BMPR1A: variants seen among roughly 807,000 people sequenced by gnomAD.
The protein encoded by BMPR1A is bone morphogenetic protein receptor type-1A.
A neutral mutation model predicts 66.0 loss-of-function variants in BMPR1A; 7 were observed. The ratio of observed to expected loss-of-function variants is 0.11; its 90% CI spans 0.06 to 0.20. The LOEUF (loss-of-function observed/expected upper bound fraction) is 0.20, where lower values mean the gene tolerates loss of function less well. Among genes scored for constraint, BMPR1A ranks in the 10% least tolerant of loss-of-function variants. BMPR1A has a pLI of 1.00. For synonymous variants in BMPR1A, 200 were observed against 229.7 expected (o/e 0.87, Z 1.17); for missense variants, 408 against 669.1 (o/e 0.61, Z 4.31).
chr10:86,899,965 A>G, intron 6 of BMPR1A, 62 bp from the exon 7 acceptor site: 1 of 1,610,900 alleles, frequency 6.2e-7, no homozygotes, highest in Non-Finnish European at 8.5e-7. Context: ...GGCTACCTAG[A>G]ATTGAACACG....
At chr10:86,830,401 G>T (rs899686556) in intron 1 of BMPR1A, among the ~76,000 whole-genome samples, 1 of 152,224 alleles carries the variant, frequency 6.6e-6, no homozygotes. Flanking sequence ...GAGCCCAGGG[G>T]TGTGCAGTTG....
chr10:86,804,254 A>T (rs1375524682), intron 1 of BMPR1A, among the ~76,000 whole-genome samples: 4 of 152,032 alleles, frequency 2.6e-5, no homozygotes, highest in African/African-American at 9.7e-5. Context: ...GTTTTCTTTT[A>T]TTTTGAGACA....
chr10:86,906,290 A>G (rs1254690786), intron 7 of BMPR1A, among the ~76,000 whole-genome samples: 3 of 151,932 alleles, frequency 2.0e-5, no homozygotes, highest in Admixed American at 6.6e-5. Context: ...TTAAACAGCT[A>G]CAATACATTT....
intron 2 of BMPR1A, among the ~76,000 whole-genome samples, chr10:86,870,627 G>A (rs1842843336): frequency 6.6e-6 from 1 of 151,842 alleles, no homozygotes. Flanking sequence ...GTCTTGCAGT[G>A]TTTCCCAGGC....
intron 5 of BMPR1A, among the ~76,000 whole-genome samples, chr10:86,893,005 T>G (rs1843174803): frequency 6.6e-6 from 1 of 152,156 alleles, no homozygotes; most frequent in African/African-American, 2.4e-5. Context: ...AATAAAAATT[T>G]TATTCAAGTA....
In BMPR1A at chr10:86,845,984, G is replaced by A. The variant is rs192426521; in HGVS notation, c.-153+7005G>A. Among the ~76,000 whole-genome samples, 896 of 150,744 alleles carry A rather than the reference G, an allele frequency of 5.9e-3. 9 individuals are homozygous for A. The highest frequency in any genetic ancestry group is 0.02 in the African/African-American group (837 of 41,126). ...TGCACTCCAGCCTGGGTGACAGAGC[G>A]AGACTCCGTCTCAAAAAAAAAAAAA... On this transcript the variant is annotated intron_variant, in intron 2 of 12. Coordinates refer to ENST00000372037, the MANE Select transcript of BMPR1A (RefSeq NM_004329.3).
At chr10:86,804,600 A>C (rs1841860688) in intron 1 of BMPR1A, among the ~76,000 whole-genome samples, 1 of 152,128 alleles carries the variant, frequency 6.6e-6, no homozygotes, top group African/African-American at 2.4e-5. Flanking sequence ...TTAGGACTTT[A>C]ATATATGAAT....
At chr10:86,780,627 G>T (rs1220941296) in intron 1 of BMPR1A, among the ~76,000 whole-genome samples, 1 of 151,984 alleles carries the variant, frequency 6.6e-6, no homozygotes, top group Non-Finnish European at 1.5e-5. Context: ...TGGAGACGGG[G>T]TTTCACCATG....
chr10:86,802,101 C>T lies in BMPR1A; in HGVS notation c.-267-36764C>T, dbSNP rs74153409. The stretch of plus-strand genomic sequence containing the variant: ...GTCGTTGAGGGCCTCCATTGTCCAG[C>T]CCCATCTCCTTTACTCTCTCAGTAG... On this transcript the variant is annotated intron_variant, in intron 1 of 12. Transcript: ENST00000372037. Among the ~76,000 whole-genome samples the T allele has an allele frequency of 3.5e-3, 537 of 152,234 alleles. 4 individuals are homozygous for T. The highest frequency in any genetic ancestry group is 0.012 in the African/African-American group (515 of 41,540).
At chr10:86,820,853 T>A (rs1314837886) in intron 1 of BMPR1A, among the ~76,000 whole-genome samples, 2 of 152,212 alleles carry the variant, frequency 1.3e-5, no homozygotes, top group Admixed American at 1.3e-4. Context: ...TGTCCTTTTT[T>A]GCAGTGTTTT....
chr10:86,871,808 A>C (rs1447881272), intron 2 of BMPR1A, among the ~76,000 whole-genome samples: 5 of 152,118 alleles, frequency 3.3e-5, no homozygotes, highest in Non-Finnish European at 7.4e-5. Context: ...CCTCCAAAAA[A>C]AAAAAAAAAA....
intron 1 of BMPR1A, among the ~76,000 whole-genome samples, chr10:86,821,446 C>T (rs976806929): frequency 1.1e-4 from 16 of 152,056 alleles, no homozygotes; most frequent in Non-Finnish European, 2.4e-4. Context: ...TGTTGTAAGA[C>T]CATACGTGTC....
chr10:86,778,965 A>T, intron 1 of BMPR1A, among the ~76,000 whole-genome samples: 1 of 138,702 alleles, frequency 7.2e-6, no homozygotes, highest in African/African-American at 2.7e-5. Flanking sequence ...ATGGGGTTTC[A>T]CCATGTTGGC....
intron 10 of BMPR1A, 139 bp downstream of exon 10, chr10:86,919,608 T>A: frequency 8.6e-7 from 1 of 1,168,668 alleles, no homozygotes; most frequent in South Asian, 1.4e-5. Flanking sequence ...TTGGGGGGGA[T>A]TTTGTTCTTT....
chr10:86,875,062 A>G (rs1589756580), intron 2 of BMPR1A, among the ~76,000 whole-genome samples: 1 of 151,238 alleles, frequency 6.6e-6, no homozygotes, highest in East Asian at 2.0e-4. Context: ...ATGATGAAGC[A>G]CCCTCTTTAA....
chr10:86,925,542 T>C lies in BMPR1A; in HGVS notation c.*1823T>C, dbSNP rs1048079775. 1.5e-5 allele frequency: 3 copies of C among 200,596 alleles called. No individual in the cohort carries two copies. Among genetic ancestry groups the C allele is most frequent in the African/African-American group, 4.6e-5 (2 of 43,460 alleles). The allele number at this position is 200,596 out of a possible 1,614,324, so 12.4% of individuals were successfully genotyped here. A position where few individuals can be genotyped will look rare whatever the true frequency, so the allele number is the denominator to read the frequency against. On this transcript the variant is annotated 3_prime_UTR_variant, in exon 13 of 13. Coordinates refer to ENST00000372037, the MANE Select transcript of BMPR1A (RefSeq NM_004329.3). ...AAGTGTTCATCAAGATAAGTAAATT[T>C]GCATATGGATAATACCCAATAACTT...
At chr10:86,889,996 A>C in intron 3 of BMPR1A, 66 bp from the exon 4 acceptor site, 1 of 1,571,372 alleles carries the variant, frequency 6.4e-7, no homozygotes, top group Non-Finnish European at 8.7e-7. Context: ...TTTCTCATTG[A>C]AAATTGTCAC....
At chr10:86,888,048 A>G (rs1312116809) in intron 3 of BMPR1A, among the ~76,000 whole-genome samples, 2 of 152,166 alleles carry the variant, frequency 1.3e-5, no homozygotes, top group Admixed American at 1.3e-4. Flanking sequence ...AATCAGATCC[A>G]ACGGAAGCCT....
rs542282219 is a variant in BMPR1A at position 86,886,471 on chromosome 10, A to T, written c.68-3591A>T. 3.9e-5 allele frequency among the ~76,000 whole-genome samples: 6 copies of T among 152,326 alleles called. No individual in the cohort carries two copies. In the South Asian group the frequency reaches 1.2e-3, roughly 32 times the overall value. The stretch of plus-strand genomic sequence containing the variant: ...GTGACAACAGCGGAGTTGGAGAAAA[A>T]TGAAAACAATTGACATACATTTTGG... On this transcript the variant is annotated intron_variant, in intron 3 of 12. Coordinates refer to ENST00000372037, the MANE Select transcript of BMPR1A (RefSeq NM_004329.3).
Sources: gnomAD v4.1 joint callset for allele counts (sites outside exome capture counted in the v4.1 genomes callset) on GRCh38, gnomAD v4.1.1 for gene constraint, MANE v1.5 for transcripts, NCBI Gene and HGNC (gene_info 2026-07-23, HGNC 2026-07-21) for gene names.